The following MN1 variants were observed in gnomAD, a reference collection of about 807,000 sequenced individuals.
MN1 encodes MN1 proto-oncogene, transcriptional regulator, also known as transcriptional activator MN1.
MN1 carries 19 observed loss-of-function variants against 86.9 expected under a neutral mutation model. The ratio of observed to expected loss-of-function variants is 0.22; its 90% CI spans 0.15 to 0.32. The LOEUF (loss-of-function observed/expected upper bound fraction) is 0.32, where lower values mean the gene tolerates loss of function less well. Among genes scored for constraint, MN1 ranks in the 10% least tolerant of loss-of-function variants. The pLI is 1.00. For missense variants in MN1, 1,841 were observed against 1,862.0 expected (o/e 0.99, Z 0.21); for synonymous variants, 928 against 849.6 (o/e 1.09, Z -1.60).
chr22:27,775,527 T>A (rs528496798), intron 1 of MN1, among the ~76,000 whole-genome samples: 35 of 152,264 alleles, frequency 2.3e-4, no homozygotes, highest in African/African-American at 8.4e-4. Flanking sequence ...CATACCGCCG[T>A]GGCCCAGCCT....
intron 1 of MN1, among the ~76,000 whole-genome samples, chr22:27,769,234 C>T (rs1342164432): frequency 1.3e-5 from 2 of 152,184 alleles, no homozygotes; most frequent in African/African-American, 4.8e-5. Context: ...TCTTTCTTGA[C>T]ACAATGCTGC....
intron 1 of MN1, among the ~76,000 whole-genome samples, chr22:27,755,368 T>A (rs367978500): frequency 6.6e-6 from 1 of 152,172 alleles, no homozygotes; most frequent in East Asian, 1.9e-4. Context: ...GATAACCCTG[T>A]GTGTGCCTCA....
chr22:27,798,510 G>A lies in MN1; in HGVS notation c.2034C>T (p.Gly678=). 1.3e-6 allele frequency: 2 copies of A among 1,534,460 alleles called. No individual in the cohort carries two copies. Among genetic ancestry groups the A allele is most frequent in the Non-Finnish European group, 8.7e-7 (1 of 1,151,986 alleles). The part of the protein sequence containing the change: ...PPGGSGVLFR[G]PLQEPMRMPG... ...GCATCCTCATCGGCTCCTGCAGAGG[G>A]CCCCGGAACAGCACCCCCGAGCCAC... is the stretch of plus-strand genomic sequence containing the variant. The change falls in exon 1 of 2, where the codon GGC becomes GGT. Residue 678 remains glycine (G), a synonymous_variant. Coordinates refer to ENST00000302326, the MANE Select transcript of MN1 (RefSeq NM_002430.3).
intron 1 of MN1, among the ~76,000 whole-genome samples, chr22:27,768,274 G>A (rs1932885611): frequency 6.6e-6 from 1 of 152,176 alleles, no homozygotes; most frequent in African/African-American, 2.4e-5. Flanking sequence ...CAGGGGTTAG[G>A]GAGAGAGTCT....
intron 1 of MN1, among the ~76,000 whole-genome samples, chr22:27,766,221 A>G (rs1361090099): frequency 6.6e-6 from 1 of 152,192 alleles, no homozygotes; most frequent in African/African-American, 2.4e-5. Context: ...GATGCCACCC[A>G]AGTGGGTGTT....
intron 1 of MN1, among the ~76,000 whole-genome samples, chr22:27,788,966 T>C (rs1445498844): frequency 6.6e-6 from 1 of 152,198 alleles, no homozygotes; most frequent in Non-Finnish European, 1.5e-5. Flanking sequence ...CCCAAAACTC[T>C]TTAAATTCTT....
Position 27,798,350 on chromosome 22 carries a change from G to A in MN1, c.2194C>T (p.Pro732Ser). 1 of 1,505,502 alleles carries A rather than the reference G, an allele frequency of 6.6e-7. No homozygotes were observed. Among genetic ancestry groups the A allele is most frequent in the Admixed American group, 2.2e-5 (1 of 45,816 alleles). The allele number at this position is 1,505,502 out of a possible 1,614,324, so 93.3% of individuals were successfully genotyped here. The change falls in exon 1 of 2, where the codon CCG becomes TCG. Residue 732 changes from proline to serine, a missense_variant. By Grantham distance (74) the Pro-to-Ser change is moderately conservative. Transcript: ENST00000302326. Reference protein sequence around the residue: ...PSAASERRPPPPDFATSALGG... With the variant: ...PSAASERRPPSPDFATSALGG... ...AGCGCAGACGTAGCAAAGTCCGGCG[G>A]CGGGGGCCGGCGCTCCGAAGCAGCG...
At chr22:27,765,808 C>G (rs1932865450) in intron 1 of MN1, among the ~76,000 whole-genome samples, 1 of 152,152 alleles carries the variant, frequency 6.6e-6, no homozygotes, top group Non-Finnish European at 1.5e-5. Flanking sequence ...GTCTTCTTAC[C>G]CGCTCCCTGG....
At chr22:27,774,446 G>C (rs1262904426) in intron 1 of MN1, among the ~76,000 whole-genome samples, 1 of 152,164 alleles carries the variant, frequency 6.6e-6, no homozygotes, top group African/African-American at 2.4e-5. Context: ...CACAGCCCCA[G>C]GTCGGAGGTC....
intron 1 of MN1, among the ~76,000 whole-genome samples, chr22:27,796,224 T>C (rs1207537402): frequency 1.3e-5 from 2 of 152,102 alleles, no homozygotes; most frequent in Non-Finnish European, 2.9e-5. Context: ...TGCCTCTGAG[T>C]GATGCTGCCG....
At chr22:27,759,875 G>A (rs1036343682) in intron 1 of MN1, among the ~76,000 whole-genome samples, 2 of 152,328 alleles carry the variant, frequency 1.3e-5, no homozygotes, top group East Asian at 3.9e-4. Flanking sequence ...GGTTTGGGTA[G>A]ATATACAACC....
intron 1 of MN1, among the ~76,000 whole-genome samples, chr22:27,776,863 G>A (rs908400660): frequency 2.0e-5 from 3 of 152,138 alleles, no homozygotes; most frequent in African/African-American, 7.2e-5. Context: ...GAACTGGCCA[G>A]GACGATTGTT....
At chr22:27,796,104 G>C (rs774929537) in intron 1 of MN1, among the ~76,000 whole-genome samples, 3 of 149,210 alleles carry the variant, frequency 2.0e-5, no homozygotes. Flanking sequence ...GCCCTGAAAA[G>C]GTTCCCTGCC....
chr22:27,759,464 G>A (rs2267115), intron 1 of MN1, among the ~76,000 whole-genome samples: 34,019 of 151,924 alleles, frequency 0.22, 5,726 homozygotes, highest in African/African-American at 0.47. Context: ...TTCACGGTTG[G>A]CTCCCACCCC....
At chr22:27,768,993 CA>C (rs1267782905) in intron 1 of MN1, among the ~76,000 whole-genome samples, 1 of 152,204 alleles carries the variant, frequency 6.6e-6, no homozygotes, top group Admixed American at 6.5e-5. Flanking sequence ...AAGTCTCTCC[CA>C]GTCTGCATCA....
In MN1 at chr22:27,782,637, T is replaced by A. The variant is rs115528764; in HGVS notation, c.3781+14126A>T. 3.0e-3 allele frequency among the ~76,000 whole-genome samples: 450 copies of A among 152,340 alleles called. 3 individuals are homozygous for A. The highest frequency in any genetic ancestry group is 0.01 in the African/African-American group (423 of 41,580). On this transcript the variant is annotated intron_variant, in intron 1 of 1. Coordinates refer to ENST00000302326, the MANE Select transcript of MN1 (RefSeq NM_002430.3). ...TCTGAGTATCAACTCATATATATAT[T>A]AACTTGCTGAATCCTTCTAGCCCCA...
Position 27,800,894 on chromosome 22 carries a change from G to A in MN1, c.-351C>T, listed in dbSNP as rs1933425514. ...TGAACGGAGACAAAAAGTTAAGTGG[G>A]GGGAATGGGGAGGGAAGGGGGTTGG... On this transcript the variant is annotated 5_prime_UTR_variant, in exon 1 of 2. Coordinates refer to ENST00000302326, the MANE Select transcript of MN1 (RefSeq NM_002430.3). 1 of 429,340 alleles carries A rather than the reference G, an allele frequency of 2.3e-6. No individual in the cohort carries two copies. The highest frequency in any genetic ancestry group is 4.2e-6 in the Non-Finnish European group (1 of 235,992). The allele number at this position is 429,340 out of a possible 1,614,324, so 26.6% of individuals were successfully genotyped here. A position where few individuals can be genotyped will look rare whatever the true frequency, so the allele number is the denominator to read the frequency against.
In MN1 at chr22:27,748,776, T is replaced by A. The variant is rs1043081019; in HGVS notation, c.*2139A>T. On this transcript the variant is annotated 3_prime_UTR_variant, in exon 2 of 2. Transcript: ENST00000302326. ...GAGGTTGCCAGGACCATGAGCTAAT[T>A]GGCAAAGTGTTGATGACTCAACGCT... is the stretch of plus-strand genomic sequence containing the variant. 5.4e-5 allele frequency: 12 copies of A among 223,678 alleles called. No individual in the cohort carries two copies. The South Asian group carries it at 5.5e-4, about 10-fold the overall frequency. The allele number at this position is 223,678 out of a possible 1,614,324, so 13.9% of individuals were successfully genotyped here. A position where few individuals can be genotyped will look rare whatever the true frequency, so the allele number is the denominator to read the frequency against.
rs867191920 is a variant in MN1 at position 27,748,767 on chromosome 22, T to C, written c.*2148A>G. 9 of 223,072 alleles carry C rather than the reference T, an allele frequency of 4.0e-5. No homozygotes were observed. Among genetic ancestry groups the C allele is most frequent in the Middle Eastern group, 1.3e-3 (1 of 748 alleles). 13.8% of individuals were successfully genotyped at this position (223,072 alleles called of 1,614,324 possible). On this transcript the variant is annotated 3_prime_UTR_variant, in exon 2 of 2. Coordinates refer to ENST00000302326, the MANE Select transcript of MN1 (RefSeq NM_002430.3). ...GGGGTTTCTGAGGTTGCCAGGACCA[T>C]GAGCTAATTGGCAAAGTGTTGATGA... is the stretch of plus-strand genomic sequence containing the variant.
Sources: allele counts gnomAD v4.1 joint callset (sites outside exome capture counted in the v4.1 genomes callset), GRCh38; gene constraint gnomAD v4.1.1; transcripts MANE v1.5; gene names NCBI Gene and HGNC (gene_info 2026-07-23, HGNC 2026-07-21).